CCDC6: variants seen among roughly 807,000 people sequenced by gnomAD.
CCDC6 encodes coiled-coil domain-containing protein 6.
In CCDC6, 20 loss-of-function variants were observed where a neutral mutation model predicts 56.6. The ratio of observed to expected loss-of-function variants is 0.35; its 90% CI spans 0.25 to 0.51. The LOEUF (loss-of-function observed/expected upper bound fraction) is 0.51. Ranked by LOEUF, CCDC6 falls within the 20% of genes least tolerant of loss-of-function variation. The pLI is 0.95. For synonymous variants in CCDC6, 241 were observed against 234.4 expected, an observed-to-expected ratio of 1.03 and a Z score of -0.26; for missense variants, 367 against 601.1, an observed-to-expected ratio of 0.61 and a Z score of 4.07.
intron 1 of CCDC6, among the ~76,000 whole-genome samples, chr10:59,904,848 A>G (rs1054596037): frequency 1.3e-5 from 2 of 152,244 alleles, no homozygotes; most frequent in African/African-American, 4.8e-5. Context: ...TGTATGAGCC[A>G]GCACTGGGGG....
chr10:59,814,784 G>GT, intron 3 of CCDC6, 29 bp from the exon 4 acceptor site: 1 of 1,384,612 alleles, frequency 7.2e-7, no homozygotes, highest in Non-Finnish European at 1.0e-6. Context: ...TGTTACCAAA[G>GT]TGTCAGGCCA....
At chr10:59,830,702 A>G (rs1308385249) in intron 3 of CCDC6, among the ~76,000 whole-genome samples, 1 of 152,220 alleles carries the variant, frequency 6.6e-6, no homozygotes, top group African/African-American at 2.4e-5. Flanking sequence ...CATTTTAAAG[A>G]GGTTCAGCTA....
intron 7 of CCDC6, among the ~76,000 whole-genome samples, chr10:59,800,446 C>G (rs577309497): frequency 6.6e-6 from 1 of 152,232 alleles, no homozygotes; most frequent in South Asian, 2.1e-4. Context: ...AGTTCAATGC[C>G]CTTGCAATCC....
At chr10:59,828,325 C>G (rs375280694) in intron 3 of CCDC6, among the ~76,000 whole-genome samples, 65 of 152,272 alleles carry the variant, frequency 4.3e-4, no homozygotes, top group African/African-American at 1.5e-3. Context: ...ATTTACTAGA[C>G]TAATACTGTG....
chr10:59,863,313 T>C (rs938536192), intron 1 of CCDC6, among the ~76,000 whole-genome samples: 1 of 152,248 alleles, frequency 6.6e-6, no homozygotes, highest in African/African-American at 2.4e-5. Context: ...GGTCCACTTT[T>C]GTTTGAATAA....
At chr10:59,838,057 G>A (rs926810851) in intron 2 of CCDC6, among the ~76,000 whole-genome samples, 2 of 152,148 alleles carry the variant, frequency 1.3e-5, no homozygotes, top group Non-Finnish European at 2.9e-5. Flanking sequence ...CTGTGCTACT[G>A]AGCAGAAATT....
chr10:59,851,469 T>C (rs2071038528), intron 2 of CCDC6, among the ~76,000 whole-genome samples: 1 of 152,184 alleles, frequency 6.6e-6, no homozygotes, highest in Non-Finnish European at 1.5e-5. Context: ...AGATTAACAG[T>C]GTCTTTATTC....
intron 1 of CCDC6, among the ~76,000 whole-genome samples, chr10:59,900,986 G>A (rs1027961558): frequency 1.3e-5 from 2 of 152,016 alleles, no homozygotes; most frequent in South Asian, 2.1e-4. Flanking sequence ...TGAACCTGGG[G>A]GGCAGAGGTT....
chr10:59,885,414 T>C (rs1210157110), intron 1 of CCDC6, among the ~76,000 whole-genome samples: 1 of 152,204 alleles, frequency 6.6e-6, no homozygotes, highest in Non-Finnish European at 1.5e-5. Context: ...TAGACTGGCA[T>C]GGTCCCCCGA....
chr10:59,898,531 ATG>A (rs1322062994), intron 1 of CCDC6, among the ~76,000 whole-genome samples: 1 of 152,178 alleles, frequency 6.6e-6, no homozygotes, highest in African/African-American at 2.4e-5. Flanking sequence ...TCCTGCATCC[ATG>A]TGTGTGTTGG....
In CCDC6 at chr10:59,792,876, T is replaced by C. The variant is rs375038304; in HGVS notation, c.*41A>G. Reference sequence around the variant, plus strand: ...CTTTGGCGTTGAGTAGACGGCTCCATTGGATGAGTCCCAACTTGAAATTCA... The same window carrying C: ...CTTTGGCGTTGAGTAGACGGCTCCACTGGATGAGTCCCAACTTGAAATTCA... On this transcript the variant is annotated 3_prime_UTR_variant, in exon 9 of 9. Coordinates refer to ENST00000263102, the MANE Select transcript of CCDC6 (RefSeq NM_005436.5). The C allele has an allele frequency of 3.3e-5, 52 of 1,599,176 alleles. No individual in the cohort carries two copies. Among genetic ancestry groups the C allele is most frequent in the African/African-American group, 1.1e-4 (8 of 74,562 alleles).
At chr10:59,859,187 T>A (rs1008046549) in intron 1 of CCDC6, among the ~76,000 whole-genome samples, 16 of 142,590 alleles carry the variant, frequency 1.1e-4, no homozygotes, top group African/African-American at 4.1e-4. Context: ...GAAAAAAAAA[T>A]ACATGTGTGT....
chr10:59,898,351 T>G (rs1447946049), intron 1 of CCDC6, among the ~76,000 whole-genome samples: 2 of 152,232 alleles, frequency 1.3e-5, no homozygotes, highest in East Asian at 3.8e-4. Flanking sequence ...GCAACAGCTC[T>G]CCCCATCTCT....
Position 59,856,735 on chromosome 10 carries a change from A to G in CCDC6, c.304-4033T>C, listed in dbSNP as rs891111337. Reference sequence around the variant, plus strand: ...TGAAATCTCATTATCAGGTTTATCAATATATTTCCTTTTTACCTAAAATGC... The same window carrying G: ...TGAAATCTCATTATCAGGTTTATCAGTATATTTCCTTTTTACCTAAAATGC... On this transcript the variant is annotated intron_variant, in intron 1 of 8. Coordinates refer to ENST00000263102, the MANE Select transcript of CCDC6 (RefSeq NM_005436.5). Among the ~76,000 whole-genome samples the G allele has an allele frequency of 7.2e-5, 11 of 152,172 alleles. 1 individual carries two copies. The highest frequency in any genetic ancestry group is 2.7e-4 in the African/African-American group (11 of 41,436).
intron 1 of CCDC6, among the ~76,000 whole-genome samples, chr10:59,892,948 G>A (rs1051718582): frequency 3.3e-5 from 5 of 152,290 alleles, no homozygotes; most frequent in African/African-American, 1.2e-4. Flanking sequence ...GGGTGGGGCC[G>A]CCCAGGAAGC....
intron 5 of CCDC6, among the ~76,000 whole-genome samples, chr10:59,811,217 T>C (rs894421382): frequency 1.3e-5 from 2 of 152,298 alleles, no homozygotes; most frequent in South Asian, 2.1e-4. Flanking sequence ...TACTACACCA[T>C]ATTTCTCAAA....
At chr10:59,874,371 T>C (rs2071260139) in intron 1 of CCDC6, among the ~76,000 whole-genome samples, 1 of 152,196 alleles carries the variant, frequency 6.6e-6, no homozygotes, top group Admixed American at 6.5e-5. Context: ...ATTAAAATTA[T>C]CACATTGAAA....
At chr10:59,892,509 C>T (rs2071430096) in intron 1 of CCDC6, among the ~76,000 whole-genome samples, 1 of 152,134 alleles carries the variant, frequency 6.6e-6, no homozygotes, top group Non-Finnish European at 1.5e-5. Context: ...GAGCTTGGTG[C>T]GGCCTCAACC....
At chr10:59,865,503 A>G (rs2071169281) in intron 1 of CCDC6, among the ~76,000 whole-genome samples, 1 of 152,088 alleles carries the variant, frequency 6.6e-6, no homozygotes, top group Non-Finnish European at 1.5e-5. Context: ...AAAGAATAAA[A>G]CCCACTGGCA....
Sources: allele counts gnomAD v4.1 joint callset (sites outside exome capture counted in the v4.1 genomes callset), GRCh38; gene constraint gnomAD v4.1.1; transcripts MANE v1.5; gene names NCBI Gene and HGNC (gene_info 2026-07-23, HGNC 2026-07-21).